DOCK1: variants seen among roughly 807,000 people sequenced by gnomAD.
The protein encoded by DOCK1 is dedicator of cytokinesis protein 1.
In DOCK1, 138 loss-of-function variants were observed where a neutral mutation model predicts 262.7. The observed-to-expected ratio is 0.53, with a 90% CI of 0.46 to 0.61. The LOEUF is 0.61. Ranked by LOEUF, DOCK1 falls within the 20% of genes least tolerant of loss-of-function variation. DOCK1 has a pLI of 0.00. For synonymous variants in DOCK1, 866 were observed against 867.4 expected, an observed-to-expected ratio of 1.00 and a Z score of 0.03; for missense variants, 1,908 against 2,370.7, an observed-to-expected ratio of 0.80 and a Z score of 4.05.
intron 29 of DOCK1, among the ~76,000 whole-genome samples, chr10:127,336,832 C>A (rs909322845): frequency 6.6e-6 from 1 of 152,206 alleles, no homozygotes; most frequent in Non-Finnish European, 1.5e-5. Context: ...AGCCACCGCG[C>A]CCAGCTGACA....
At position 127,444,765 on chromosome 10, in the gene DOCK1, G is replaced by A. The variant is rs79812344; in HGVS notation, c.5413+486G>A. On this transcript the variant is annotated intron_variant, in intron 50 of 51. Transcript: ENST00000623213. Reference sequence around the variant, plus strand: ...TCCAAACAGCAGAAATTTGTTCTCTGAAGGTTTTGGAGGCCAAAACTCTGA... The same window carrying A: ...TCCAAACAGCAGAAATTTGTTCTCTAAAGGTTTTGGAGGCCAAAACTCTGA... Among the ~76,000 whole-genome samples, 1,594 of 152,238 alleles carry A rather than the reference G, an allele frequency of 0.01. 52 individuals are homozygous for A. In the East Asian group the frequency reaches 0.12, roughly 11 times the overall value.
intron 23 of DOCK1, among the ~76,000 whole-genome samples, chr10:127,105,792 C>T (rs1446653402): frequency 6.6e-6 from 1 of 152,128 alleles, no homozygotes; most frequent in Non-Finnish European, 1.5e-5. Flanking sequence ...CAGGATCTTG[C>T]TTTGTTGCCG....
intron 1 of DOCK1, among the ~76,000 whole-genome samples, chr10:126,912,675 G>A (rs1209869287): frequency 8.0e-5 from 12 of 149,172 alleles, no homozygotes; most frequent in African/African-American, 1.5e-4. Context: ...GCAGTGAGCC[G>A]AGATCGCGCC....
chr10:126,948,790 C>G (rs1362853952), intron 1 of DOCK1, among the ~76,000 whole-genome samples: 2 of 152,056 alleles, frequency 1.3e-5, no homozygotes, highest in Non-Finnish European at 2.9e-5. Flanking sequence ...TGCTCTGATC[C>G]TTTGGGCTGG....
intron 29 of DOCK1, among the ~76,000 whole-genome samples, chr10:127,331,845 C>A (rs1380677827): frequency 6.6e-6 from 1 of 152,148 alleles, no homozygotes; most frequent in Non-Finnish European, 1.5e-5. Flanking sequence ...CCTCCATTTC[C>A]TCATTTGTAA....
chr10:126,929,237 T>A (rs1056397110), intron 1 of DOCK1, among the ~76,000 whole-genome samples: 96 of 152,344 alleles, frequency 6.3e-4, no homozygotes, highest in African/African-American at 2.3e-3. Context: ...TTTCCCCAGA[T>A]TGCTGGTTGT....
At chr10:127,199,311 C>T (rs772386871) in intron 27 of DOCK1, among the ~76,000 whole-genome samples, 47 of 152,090 alleles carry the variant, frequency 3.1e-4, no homozygotes, top group Non-Finnish European at 5.9e-4. Flanking sequence ...CAGAGAATTG[C>T]TGGAATTCCA....
chr10:127,429,136 C>G (rs2069107826), intron 47 of DOCK1, among the ~76,000 whole-genome samples: 1 of 151,924 alleles, frequency 6.6e-6, no homozygotes, highest in Non-Finnish European at 1.5e-5. Context: ...AGCTTATTTC[C>G]AGCACATTGT....
chr10:127,038,721 G>T (rs2043823935), intron 19 of DOCK1, among the ~76,000 whole-genome samples: 1 of 141,006 alleles, frequency 7.1e-6, no homozygotes, highest in South Asian at 2.3e-4. Flanking sequence ...CTGTGAGAGA[G>T]GGCAGTCAGA....
At chr10:126,980,832 G>A (rs1372548534) in intron 3 of DOCK1, among the ~76,000 whole-genome samples, 1 of 152,124 alleles carries the variant, frequency 6.6e-6, no homozygotes, top group East Asian at 1.9e-4. Flanking sequence ...TGCAGGAAGC[G>A]GTAGCTGGGC....
rs114820256 is a variant in DOCK1, at chr10:127,414,442, A to G, written c.4429-710A>G. 4.0e-3 allele frequency among the ~76,000 whole-genome samples: 617 copies of G among 152,354 alleles called. 4 individuals carry two copies. Among genetic ancestry groups the G allele is most frequent in the African/African-American group, 0.014 (590 of 41,586 alleles). ...GTAGTAGAATTGTATTTATTGGGTT[A>G]GAACAGTTTCCTGCAATAGGTAATA... On this transcript the variant is annotated intron_variant, in intron 43 of 51. Coordinates refer to ENST00000623213, the MANE Select transcript of DOCK1 (RefSeq NM_001290223.2).
At chr10:127,266,845 C>A (rs981907672) in intron 29 of DOCK1, among the ~76,000 whole-genome samples, 4 of 152,178 alleles carry the variant, frequency 2.6e-5, no homozygotes, top group Non-Finnish European at 5.9e-5. Context: ...AGAAAACTGG[C>A]CTAACCTGAG....
intron 29 of DOCK1, among the ~76,000 whole-genome samples, chr10:127,261,621 CTG>C (rs1194717122): frequency 5.2e-5 from 3 of 57,246 alleles, no homozygotes; most frequent in African/African-American, 8.3e-5. Context: ...CCGTGCTCAT[CTG>C]TGTGTGTGCA....
intron 1 of DOCK1, among the ~76,000 whole-genome samples, chr10:126,931,112 C>T (rs2034155096): frequency 6.6e-6 from 1 of 151,906 alleles, no homozygotes; most frequent in South Asian, 2.1e-4. Flanking sequence ...GGTCTCTGAC[C>T]CAGGAGGGAT....
At chr10:127,377,816 C>T (rs2065589944) in intron 35 of DOCK1, among the ~76,000 whole-genome samples, 1 of 144,640 alleles carries the variant, frequency 6.9e-6, no homozygotes, top group South Asian at 2.2e-4. Flanking sequence ...AGCTTGAACT[C>T]GGGAGGCGGA....
chr10:127,316,363 G>A (rs2062281754), intron 29 of DOCK1, among the ~76,000 whole-genome samples: 1 of 152,158 alleles, frequency 6.6e-6, no homozygotes, highest in South Asian at 2.1e-4. Context: ...AGAGACTGAT[G>A]CACTGTATCT....
chr10:127,409,288 G>C, intron 41 of DOCK1, 25 bp from the exon 42 acceptor site: 7 of 1,613,860 alleles, frequency 4.3e-6, no homozygotes, highest in Non-Finnish European at 5.9e-6. Flanking sequence ...TGCTGCCTTA[G>C]TGATCCTTAA....
chr10:127,357,641 G>T (rs1028108474), intron 32 of DOCK1, among the ~76,000 whole-genome samples: 1 of 152,206 alleles, frequency 6.6e-6, no homozygotes, highest in Non-Finnish European at 1.5e-5. Flanking sequence ...CAGCTTTTTA[G>T]CCAGGAACAC....
chr10:127,214,323 G>A (rs1325238997), intron 27 of DOCK1, among the ~76,000 whole-genome samples: 1 of 152,090 alleles, frequency 6.6e-6, no homozygotes, highest in East Asian at 1.9e-4. Context: ...ACACAGATTT[G>A]GGATTCATTT....
Sources: allele counts gnomAD v4.1 joint callset (sites outside exome capture counted in the v4.1 genomes callset), GRCh38; gene constraint gnomAD v4.1.1; transcripts MANE v1.5; gene names NCBI Gene and HGNC (gene_info 2026-07-23, HGNC 2026-07-21).